Variants in LIFR observed in about 807,000 individuals in gnomAD.
The protein encoded by LIFR is LIF receptor subunit alpha, also known as leukemia inhibitory factor receptor.
In LIFR, 84 loss-of-function variants were observed where a neutral mutation model predicts 122.2. The observed-to-expected ratio is 0.69, with a 90% confidence interval of 0.58 to 0.82. LIFR has a LOEUF of 0.82. Among genes scored for constraint, LIFR ranks in the 40% least tolerant of loss-of-function variants. LIFR has a pLI of 0.00. For synonymous variants in LIFR, 422 were observed against 434.7 expected (o/e 0.97, Z 0.36); for missense variants, 1,294 against 1,311.6 (o/e 0.99, Z 0.21).
intron 1 of LIFR, among the ~76,000 whole-genome samples, chr5:38,585,799 TA>T (rs1378311964): frequency 6.6e-6 from 1 of 152,086 alleles, no homozygotes; most frequent in Non-Finnish European, 1.5e-5. Flanking sequence ...ATAATAATTT[TA>T]AAAAATATAA....
Position 38,532,914 on chromosome 5 carries a change from C to A in LIFR, c.-19-2248G>T, listed in dbSNP as rs12517753. ...CCTTAGAGGAGCACAAATTTTTATA[C>A]GATTTCAGGAGCTAACTTTCAAAAT... On this transcript the variant is annotated intron_variant, in intron 1 of 19. Coordinates refer to ENST00000453190, the MANE Select transcript of LIFR (RefSeq NM_001127671.2). Among the ~76,000 whole-genome samples the A allele has an allele frequency of 4.6e-5, 7 of 152,260 alleles. No homozygotes were observed. In the East Asian group the frequency reaches 9.7e-4, roughly 21 times the overall value.
rs562866307 is a variant in LIFR, at chr5:38,546,070, A to AT, written c.-20+10263dup. Among the ~76,000 whole-genome samples the AT allele has an allele frequency of 6.0e-4, 92 of 152,294 alleles. 2 individuals carry two copies. The South Asian group carries it at 0.01, about 17-fold the overall frequency. ...ACCAATTTTAAGGGAAGAATGTGAA[A>AT]TTTATTGGAGAAGGGGAAAAATCCA... On this transcript the variant is annotated intron_variant, in intron 1 of 19. Transcript: ENST00000453190.
At chr5:38,597,657 G>A (rs1750133524), upstream of LIFR, among the ~76,000 whole-genome samples, 1 of 152,184 alleles carries the variant, frequency 6.6e-6, no homozygotes, top group Non-Finnish European at 1.5e-5. Flanking sequence ...GGACAGCCTT[G>A]CACAACTAAG....
chr5:38,564,279 G>A (rs1318338764), intron 1 of LIFR, among the ~76,000 whole-genome samples: 4 of 151,126 alleles, frequency 2.6e-5, no homozygotes, highest in Admixed American at 1.3e-4. Flanking sequence ...CTAGAGTGCA[G>A]TGGCACCATC....
rs548349920 is a variant in LIFR at position 38,495,831 on chromosome 5, C to T, written c.1885+551G>A. Among the ~76,000 whole-genome samples, 3 of 152,172 alleles carry T rather than the reference C, an allele frequency of 2.0e-5. No individual in the cohort carries two copies. The East Asian group carries it at 5.8e-4, about 29-fold the overall frequency. On this transcript the variant is annotated intron_variant, in intron 13 of 19. Coordinates refer to ENST00000453190, the MANE Select transcript of LIFR (RefSeq NM_001127671.2). ...CATCTGTAAAATTTAAAGAAAGGCA[C>T]TAAATTTTAAAAACTACACCACAGT... is the stretch of plus-strand genomic sequence containing the variant.
chr5:38,484,014 T>C lies in LIFR; in HGVS notation c.2591+761A>G, dbSNP rs552280660. 2.6e-5 allele frequency among the ~76,000 whole-genome samples: 4 copies of C among 152,280 alleles called. No homozygotes were observed. The East Asian group carries it at 7.7e-4, about 29-fold the overall frequency. ...GACCTCACCTCATGTCACTCATTCC[T>C]GTTTCACCAGGCACACAGCTCCTCC... On this transcript the variant is annotated intron_variant, in intron 18 of 19. Coordinates refer to ENST00000453190, the MANE Select transcript of LIFR (RefSeq NM_001127671.2).
intron 16 of LIFR, among the ~76,000 whole-genome samples, chr5:38,487,320 A>C (rs1744340718): frequency 6.6e-6 from 1 of 152,256 alleles, no homozygotes; most frequent in Non-Finnish European, 1.5e-5. Context: ...GTTGGTTGAC[A>C]GACTGGTGGA....
intron 1 of LIFR, among the ~76,000 whole-genome samples, chr5:38,584,213 T>C (rs1218380909): frequency 6.6e-6 from 1 of 152,090 alleles, no homozygotes; most frequent in East Asian, 1.9e-4. Context: ...ATTGGTGAGA[T>C]GGTAGAGAAA....
intron 1 of LIFR, among the ~76,000 whole-genome samples, chr5:38,548,805 C>T (rs1451508755): frequency 6.6e-6 from 1 of 152,008 alleles, no homozygotes; most frequent in Non-Finnish European, 1.5e-5. Flanking sequence ...AAAGTATTTC[C>T]CAGTGACCAG....
At position 38,504,092 on chromosome 5, in the gene LIFR, C is replaced by T. The variant is rs2112462517; in HGVS notation, c.1321G>A (p.Val441Met). 1 of 1,583,102 alleles carries T rather than the reference C, an allele frequency of 6.3e-7. No homozygotes were observed. Among genetic ancestry groups the T allele is most frequent in the South Asian group, 1.1e-5 (1 of 90,364 alleles). The change falls in exon 10 of 20, where the codon GTG becomes ATG. Residue 441 changes from valine (V) to methionine (M), a missense_variant. Transcript: ENST00000453190. ...ACAGCTGTTGAATTAATATCCTTCA[C>T]TTTGAATGAAGTAGGAGTATGGGGA... ...VYPHTPTSFKVKDINSTAVKL... is the reference protein window; with the variant it reads ...VYPHTPTSFKMKDINSTAVKL...
chr5:38,506,383 G>T, intron 8 of LIFR, 120 bp downstream of exon 8: 1 of 1,153,322 alleles, frequency 8.7e-7, no homozygotes, highest in Non-Finnish European at 1.3e-6. Flanking sequence ...ATTTTATACA[G>T]CATATTTGGT....
chr5:38,587,480 GAAA>G (rs35454214), intron 1 of LIFR, among the ~76,000 whole-genome samples: 1 of 138,808 alleles, frequency 7.2e-6, no homozygotes. Flanking sequence ...CCGAAGGACT[GAAA>G]AAAAAAAAAA....
At chr5:38,602,911 G>T (rs372147162) in intron 2 of LIFR, among the ~76,000 whole-genome samples, 3 of 152,264 alleles carry the variant, frequency 2.0e-5, no homozygotes, top group Middle Eastern at 3.4e-3. Context: ...CTGGGAATAC[G>T]CATTAAAAGA....
In LIFR at chr5:38,489,096, T is replaced by C; in HGVS notation, c.2317A>G (p.Met773Val). ...TACTCACCTGATTCTAAAACCCTCA[T>C]CTTAGATGTGTCTCTTTCTCCTTTT... ...FGKGERDTSK[M>V]RVLESGRSDI... The change falls in exon 16 of 20, where the codon ATG becomes GTG. Residue 773 changes from methionine (M) to valine (V), a missense_variant. Met to Val is a conservative substitution (Grantham distance 21, BLOSUM62 1). Coordinates refer to ENST00000453190, the MANE Select transcript of LIFR (RefSeq NM_001127671.2). The C allele has an allele frequency of 6.2e-7, 1 of 1,613,078 alleles. No homozygotes were observed. The highest frequency in any genetic ancestry group is 8.5e-7 in the Non-Finnish European group (1 of 1,179,268).
At chr5:38,509,165 A>C (rs1178802353) in intron 7 of LIFR, among the ~76,000 whole-genome samples, 1 of 152,224 alleles carries the variant, frequency 6.6e-6, no homozygotes, top group African/African-American at 2.4e-5. Flanking sequence ...AACAGTGCAC[A>C]GTCTCATTTT....
intron 5 of LIFR, among the ~76,000 whole-genome samples, chr5:38,519,710 G>A (rs1746299804): frequency 6.6e-6 from 1 of 152,056 alleles, no homozygotes; most frequent in Admixed American, 6.6e-5. Flanking sequence ...ATGAGTGAGT[G>A]AGAACATACT....
At chr5:38,547,172 T>C (rs997381215) in intron 1 of LIFR, among the ~76,000 whole-genome samples, 5 of 152,214 alleles carry the variant, frequency 3.3e-5, no homozygotes, top group African/African-American at 1.2e-4. Flanking sequence ...TATGTATCTA[T>C]ATGTACAATT....
In LIFR at chr5:38,475,041, C is replaced by G. The variant is rs1743664679; in HGVS notation, c.*6554G>C. ...GTTAAATACATGCATGTTTTAAAAA[C>G]AGACATAAGTAACATCTTTAGAGTT... On this transcript the variant is annotated 3_prime_UTR_variant, in exon 20 of 20. Transcript: ENST00000453190. 1 of 174,578 alleles carries G rather than the reference C, an allele frequency of 5.7e-6. No homozygotes were observed. Among genetic ancestry groups the G allele is most frequent in the Non-Finnish European group, 1.2e-5 (1 of 80,850 alleles). 10.8% of individuals were successfully genotyped at this position (174,578 alleles called of 1,614,324 possible). A position where few individuals can be genotyped will look rare whatever the true frequency, so the allele number is the denominator to read the frequency against.
chr5:38,483,247 G>GCT (rs1040300818), intron 18 of LIFR, among the ~76,000 whole-genome samples: 4 of 152,154 alleles, frequency 2.6e-5, no homozygotes, highest in African/African-American at 9.7e-5. Flanking sequence ...AATGAGATTT[G>GCT]CTCAGTGTCC....
Sources: allele counts gnomAD v4.1 joint callset (sites outside exome capture counted in the v4.1 genomes callset), GRCh38; gene constraint gnomAD v4.1.1; transcripts MANE v1.5; gene names NCBI Gene and HGNC (gene_info 2026-07-23, HGNC 2026-07-21).